L3MBTL3: variants seen among roughly 807,000 people sequenced by gnomAD.
L3MBTL3 encodes the protein lethal(3)malignant brain tumor-like protein 3.
A neutral mutation model predicts 102.3 loss-of-function variants in L3MBTL3; 27 were observed. The observed-to-expected ratio is 0.26, with a 90% CI of 0.19 to 0.36. The LOEUF (loss-of-function observed/expected upper bound fraction) is 0.36. Ranked by LOEUF, L3MBTL3 falls within the 10% of genes least tolerant of loss-of-function variation. The pLI is 1.00. For missense variants in L3MBTL3, 798 were observed against 955.3 expected (o/e 0.84, Z 2.17); for synonymous variants, 340 against 320.9 (o/e 1.06, Z -0.64).
intron 2 of L3MBTL3, among the ~76,000 whole-genome samples, chr6:130,025,088 A>G (rs1779258185): frequency 6.6e-6 from 1 of 151,564 alleles, no homozygotes; most frequent in African/African-American, 2.4e-5. Flanking sequence ...TTCTTTGACC[A>G]GTGTGTTCAC....
chr6:130,111,547 A>G (rs539817720), intron 19 of L3MBTL3, among the ~76,000 whole-genome samples: 1 of 152,344 alleles, frequency 6.6e-6, no homozygotes, highest in Non-Finnish European at 1.5e-5. Context: ...AGTCCCCAGA[A>G]TGAGTGATGT....
intron 2 of L3MBTL3, among the ~76,000 whole-genome samples, chr6:130,031,283 T>G (rs546198283): frequency 4.6e-5 from 7 of 152,336 alleles, no homozygotes; most frequent in African/African-American, 1.7e-4. Context: ...TGTAGTTGAA[T>G]CCAACTTGAA....
intron 2 of L3MBTL3, among the ~76,000 whole-genome samples, chr6:130,033,871 A>G (rs1405469906): frequency 6.6e-6 from 1 of 152,246 alleles, no homozygotes; most frequent in African/African-American, 2.4e-5. Context: ...TTTTAAAGAC[A>G]ATATTTGGAG....
chr6:130,101,169 T>C, intron 18 of L3MBTL3, among the ~76,000 whole-genome samples: 1 of 152,170 alleles, frequency 6.6e-6, no homozygotes, highest in African/African-American at 2.4e-5. Context: ...GAGTCAAAGA[T>C]GGTGAAGACC....
intron 3 of L3MBTL3, among the ~76,000 whole-genome samples, chr6:130,048,920 GA>G (rs1362836491): frequency 2.1e-5 from 3 of 142,650 alleles, no homozygotes; most frequent in Non-Finnish European, 3.0e-5. Context: ...TACGACGTAA[GA>G]AAAAATAAGT....
chr6:130,038,343 A>G (rs1315135632), intron 2 of L3MBTL3, among the ~76,000 whole-genome samples: 2 of 151,726 alleles, frequency 1.3e-5, no homozygotes, highest in East Asian at 1.9e-4. Context: ...AGGATCCTCC[A>G]TACTGTTTTC....
chr6:130,059,656 C>T (rs1781762632), intron 9 of L3MBTL3, among the ~76,000 whole-genome samples: 1 of 152,156 alleles, frequency 6.6e-6, no homozygotes, highest in South Asian at 2.1e-4. Flanking sequence ...AATTTTCATT[C>T]TTCCTAGTGA....
rs778244538 is a variant in L3MBTL3 at position 130,060,131 on chromosome 6, C to T, written c.855C>T (p.Thr285=). The T allele has an allele frequency of 1.0e-5, 16 of 1,590,338 alleles. No homozygotes were observed. The highest frequency in any genetic ancestry group is 5.4e-5 in the African/African-American group (4 of 74,228). The change falls in exon 10 of 23, where the codon ACC becomes ACT. Residue 285 remains threonine (T), a synonymous_variant. Transcript: ENST00000361794. ...ATCAGTCTGTGTACTGTGTCCTCACCGTCGCGGAGGTAAGCTTTGCCTCGT... is the reference window on the plus strand; with the variant it reads ...ATCAGTCTGTGTACTGTGTCCTCACTGTCGCGGAGGTAAGCTTTGCCTCGT... ...PEHQSVYCVL[T]VAEVCGYRIK...
intron 6 of L3MBTL3, 35 bp from the exon 7 acceptor site, chr6:130,052,824 C>A: frequency 6.3e-7 from 1 of 1,597,510 alleles, no homozygotes; most frequent in South Asian, 1.1e-5. Context: ...TAGGTATTGT[C>A]TCTTGTCACT....
chr6:130,123,295 C>G (rs12530124), intron 20 of L3MBTL3, among the ~76,000 whole-genome samples: 13,142 of 151,772 alleles, frequency 0.087, 940 homozygotes, highest in African/African-American at 0.18. Flanking sequence ...TTTATTATTC[C>G]TTTCAAGGAA....
chr6:130,133,410 C>A lies in L3MBTL3; in HGVS notation c.1967-42C>A, dbSNP rs1440164176. On this transcript the variant is annotated intron_variant, in intron 20 of 22. Coordinates refer to ENST00000361794, the MANE Select transcript of L3MBTL3 (RefSeq NM_032438.4). This position sits in a 1 kb window ranked among gnomAD's most constrained non-coding sequence, Gnocchi z 4.9. ...ATGCACGGCATTTGGGGCTTTCTTG[C>A]TGCTTTCAGAGAGTGATTTCCCATT... The A allele has an allele frequency of 5.6e-6, 9 of 1,600,782 alleles. No individual in the cohort carries two copies. In the South Asian group the frequency reaches 1.0e-4, roughly 18 times the overall value.
intron 19 of L3MBTL3, among the ~76,000 whole-genome samples, chr6:130,106,361 T>C (rs1328170293): frequency 1.3e-5 from 2 of 152,168 alleles, no homozygotes; most frequent in African/African-American, 2.4e-5. Flanking sequence ...GTTCCCATCC[T>C]CTCTCTGGGG....
chr6:130,104,468 C>T lies in L3MBTL3; in HGVS notation c.1779C>T (p.Asp593=). 3 of 1,595,694 alleles carry T rather than the reference C, an allele frequency of 1.9e-6. No individual in the cohort carries two copies. Among genetic ancestry groups the T allele is most frequent in the Non-Finnish European group, 2.6e-6 (3 of 1,172,064 alleles). ...ATTCAGAAATCAATTTGAATAAAGA[C>T]CGTATTTTTCCAGACCGCTTAAGTG... is the stretch of plus-strand genomic sequence containing the variant. The part of the protein sequence containing the change: ...CPYSEINLNK[D]RIFPDRLSGE... Residue 593 remains aspartate (D), a synonymous_variant, in exon 19 of 23, where the codon GAC becomes GAT. Transcript: ENST00000361794.
chr6:130,078,637 G>T lies in L3MBTL3; in HGVS notation c.1321+3G>T. On this transcript the variant is annotated splice_donor_region_variant and intron_variant, in intron 14 of 22. Transcript: ENST00000361794. ...AAGAACCCTTATTACTCCACCAGGT[G>T]TGTGTTTTTTTAATGTGGCTAATAC... is the stretch of plus-strand genomic sequence containing the variant. The T allele has an allele frequency of 5.0e-6, 8 of 1,593,274 alleles. No individual in the cohort carries two copies. Among genetic ancestry groups the T allele is most frequent in the Non-Finnish European group, 6.0e-6 (7 of 1,162,276 alleles).
intron 19 of L3MBTL3, among the ~76,000 whole-genome samples, chr6:130,119,405 T>G (rs756948560): frequency 6.6e-6 from 1 of 152,208 alleles, no homozygotes; most frequent in Non-Finnish European, 1.5e-5. Context: ...AGAAGTTAAT[T>G]TTAGCATGGT....
At chr6:130,114,038 C>T (rs1009943955) in intron 19 of L3MBTL3, among the ~76,000 whole-genome samples, 1 of 152,142 alleles carries the variant, frequency 6.6e-6, no homozygotes, top group African/African-American at 2.4e-5. Flanking sequence ...ATTTCAATGA[C>T]TAGGCATTCT....
At chr6:130,049,567 T>TAACTATA in intron 4 of L3MBTL3, 174 bp downstream of exon 4, 1 of 706,202 alleles carries the variant, frequency 1.4e-6, no homozygotes, top group Non-Finnish European at 2.3e-6. Context: ...TGTTTTAAAA[T>TAACTATA]AACTATAAAC....
intron 12 of L3MBTL3, among the ~76,000 whole-genome samples, chr6:130,070,558 CTTGA>C (rs1362479206): frequency 2.6e-5 from 4 of 152,058 alleles, no homozygotes; most frequent in African/African-American, 7.2e-5. Context: ...ACATTTTTAA[CTTGA>C]TTAAGTGCAT....
chr6:130,106,144 TTAA>T (rs1459908439), intron 19 of L3MBTL3, among the ~76,000 whole-genome samples: 1 of 152,212 alleles, frequency 6.6e-6, no homozygotes, highest in Non-Finnish European at 1.5e-5. Flanking sequence ...CCTATGCCTA[TTAA>T]TACTTATCAT....
Sources: gnomAD v4.1 joint callset for allele counts (sites outside exome capture counted in the v4.1 genomes callset) on GRCh38, gnomAD v4.1.1 for gene constraint, Gnocchi (gnomAD v3.1) non-coding constraint, MANE v1.5 for transcripts, NCBI Gene and HGNC (gene_info 2026-07-23, HGNC 2026-07-21) for gene names.